NEGR1: variants seen among roughly 807,000 people sequenced by gnomAD.
The protein encoded by NEGR1 is IgLON family member 4.
NEGR1 carries 10 observed loss-of-function variants against 40.9 expected under a neutral mutation model. The observed-to-expected ratio is 0.24, with a 90% CI of 0.15 to 0.42. The LOEUF is 0.42. NEGR1 is among the 10% of genes least tolerant of loss of function. The pLI, the probability that NEGR1 is intolerant of heterozygous loss-of-function variation, is 1.00. For missense variants in NEGR1, 352 were observed against 438.9 expected (o/e 0.80, Z 1.77); for synonymous variants, 185 against 166.8 (o/e 1.11, Z -0.84).
intron 2 of NEGR1, among the ~76,000 whole-genome samples, chr1:71,784,345 C>CTT (rs879743412): frequency 7.0e-6 from 1 of 143,718 alleles, no homozygotes; most frequent in Non-Finnish European, 1.5e-5. Flanking sequence ...AGTAGAAAGG[C>CTT]TTTTTTTTTT....
intron 6 of NEGR1, among the ~76,000 whole-genome samples, chr1:71,465,558 C>T (rs1646740228): frequency 6.6e-6 from 1 of 151,924 alleles, no homozygotes; most frequent in Non-Finnish European, 1.5e-5. Flanking sequence ...GGGCTACGAC[C>T]TTTTAAAAAC....
At chr1:72,135,037 C>T (rs1453271128) in intron 1 of NEGR1, among the ~76,000 whole-genome samples, 1 of 150,518 alleles carries the variant, frequency 6.6e-6, no homozygotes, top group African/African-American at 2.4e-5. Flanking sequence ...GCGCCTGGCC[C>T]GAGATTGAAT....
At chr1:71,493,998 T>A (rs1172503834) in intron 6 of NEGR1, among the ~76,000 whole-genome samples, 2 of 152,236 alleles carry the variant, frequency 1.3e-5, no homozygotes, top group Non-Finnish European at 2.9e-5. Flanking sequence ...TATCTTTACC[T>A]GATTTTATCT....
At chr1:72,153,400 C>A (rs747132427) in intron 1 of NEGR1, among the ~76,000 whole-genome samples, 11 of 151,800 alleles carry the variant, frequency 7.2e-5, no homozygotes, top group Non-Finnish European at 1.2e-4. Flanking sequence ...TGTTTCCAAA[C>A]TGTATCATGA....
At chr1:72,017,637 T>C (rs1474286977) in intron 1 of NEGR1, among the ~76,000 whole-genome samples, 3 of 152,102 alleles carry the variant, frequency 2.0e-5, no homozygotes, top group African/African-American at 7.2e-5. Context: ...AAGACAGATG[T>C]AGTTGGTCTT....
At chr1:71,972,130 G>A (rs1365116224) in intron 1 of NEGR1, among the ~76,000 whole-genome samples, 1 of 152,186 alleles carries the variant, frequency 6.6e-6, no homozygotes, top group Admixed American at 6.5e-5. Context: ...TAAATTATAG[G>A]TGAATGGCAG....
chr1:72,020,848 A>T (rs1646750106), intron 1 of NEGR1, among the ~76,000 whole-genome samples: 1 of 152,230 alleles, frequency 6.6e-6, no homozygotes, highest in African/African-American at 2.4e-5. Flanking sequence ...CAAATATATA[A>T]TTATAGTGGA....
intron 1 of NEGR1, among the ~76,000 whole-genome samples, chr1:72,067,087 A>G (rs191036841): frequency 3.6e-4 from 55 of 152,202 alleles, no homozygotes; most frequent in African/African-American, 1.3e-3. Flanking sequence ...AGAGGTAAAG[A>G]TCTACCTTTC....
Position 71,405,010 on chromosome 1 carries a change from A to C in NEGR1, c.*2436T>G, listed in dbSNP as rs1041967856. ...CACTCTGTCCGAGGGCCTAAGGACTAGGAATGCTGCTGTGATACAGAAAAA... is the reference window on the plus strand; with the variant it reads ...CACTCTGTCCGAGGGCCTAAGGACTCGGAATGCTGCTGTGATACAGAAAAA... On this transcript the variant is annotated 3_prime_UTR_variant, in exon 7 of 7. Coordinates refer to ENST00000357731, the MANE Select transcript of NEGR1 (RefSeq NM_173808.3). 14 of 152,258 alleles carry C rather than the reference A, an allele frequency of 9.2e-5. No individual in the cohort carries two copies. Among genetic ancestry groups the C allele is most frequent in the Admixed American group, 1.3e-4 (2 of 15,210 alleles). 9.4% of individuals were successfully genotyped at this position (152,258 alleles called of 1,614,324 possible).
intron 4 of NEGR1, among the ~76,000 whole-genome samples, chr1:71,689,070 T>C (rs1428583317): frequency 6.6e-6 from 1 of 152,204 alleles, no homozygotes; most frequent in Non-Finnish European, 1.5e-5. Context: ...TAAGGTTCTC[T>C]GAAATTTACG....
intron 5 of NEGR1, among the ~76,000 whole-genome samples, chr1:71,603,556 ATG>A (rs959550500): frequency 6.6e-6 from 1 of 152,190 alleles, no homozygotes. Flanking sequence ...GTTGTAAAAT[ATG>A]TGTTATAAGA....
intron 1 of NEGR1, among the ~76,000 whole-genome samples, chr1:72,256,977 A>G (rs940718101): frequency 6.6e-6 from 1 of 152,206 alleles, no homozygotes; most frequent in African/African-American, 2.4e-5. Flanking sequence ...AACTCAAATT[A>G]AGATCTGTGG....
rs868355093 is a variant in NEGR1, at chr1:72,113,136, G to C, written c.176+169183C>G. On this transcript the variant is annotated intron_variant, in intron 1 of 6. Transcript: ENST00000357731. The stretch of plus-strand genomic sequence containing the variant: ...ACACATAGAAGCACAGTGAGCACTA[G>C]ACCCAAGGGTTTTTCATGATGACCA... Among the ~76,000 whole-genome samples, 37 of 151,810 alleles carry C rather than the reference G, an allele frequency of 2.4e-4. No individual in the cohort carries two copies. The Middle Eastern group carries it at 0.01, about 42-fold the overall frequency.
chr1:71,587,290 C>T (rs1156603652), intron 6 of NEGR1, among the ~76,000 whole-genome samples: 2 of 152,126 alleles, frequency 1.3e-5, no homozygotes, highest in Admixed American at 1.3e-4. Flanking sequence ...GTACTGTTCG[C>T]TTGCATCGGT....
Position 72,159,809 on chromosome 1 carries a change from A to G in NEGR1, c.176+122510T>C, listed in dbSNP as rs147374226. 6.6e-3 allele frequency among the ~76,000 whole-genome samples: 1,009 copies of G among 152,268 alleles called. 16 individuals carry two copies. The highest frequency in any genetic ancestry group is 0.023 in the African/African-American group (960 of 41,582). On this transcript the variant is annotated intron_variant, in intron 1 of 6. Transcript: ENST00000357731. ...TGATAAATGCACAAATCTTATGTAT[A>G]GAAGAACACTTTAGGGTTCACATTT... is the stretch of plus-strand genomic sequence containing the variant.
intron 2 of NEGR1, among the ~76,000 whole-genome samples, chr1:71,819,950 C>T (rs1000445621): frequency 5.9e-5 from 9 of 151,988 alleles, no homozygotes. Context: ...TCCCTGATAG[C>T]TCTCTGGGCA....
chr1:71,496,322 C>G (rs931992100), intron 6 of NEGR1, among the ~76,000 whole-genome samples: 8 of 151,994 alleles, frequency 5.3e-5, no homozygotes, highest in African/African-American at 1.9e-4. Flanking sequence ...ACACTGGCTT[C>G]CAGAACTAGA....
chr1:71,888,549 C>A (rs1660805238), intron 2 of NEGR1, among the ~76,000 whole-genome samples: 2 of 151,028 alleles, frequency 1.3e-5, no homozygotes, highest in African/African-American at 4.9e-5. Flanking sequence ...TATCCCACAC[C>A]TGGCTGAGAG....
At chr1:71,714,049 A>G (rs1460001350) in intron 3 of NEGR1, among the ~76,000 whole-genome samples, 1 of 152,132 alleles carries the variant, frequency 6.6e-6, no homozygotes, top group African/African-American at 2.4e-5. Context: ...AGACTGGGTA[A>G]TTTATAAAGG....
Sources: allele counts gnomAD v4.1 joint callset (sites outside exome capture counted in the v4.1 genomes callset), GRCh38; gene constraint gnomAD v4.1.1; transcripts MANE v1.5; gene names NCBI Gene and HGNC (gene_info 2026-07-23, HGNC 2026-07-21).